Variants in FHIT observed in about 807,000 individuals in gnomAD.
The protein encoded by FHIT is bis(5'-adenosyl)-triphosphatase.
FHIT carries 19 observed loss-of-function variants against 17.9 expected under a neutral mutation model. The ratio of observed to expected loss-of-function variants is 1.06; its 90% CI spans 0.74 to 1.56. The LOEUF (loss-of-function observed/expected upper bound fraction) is 1.56, where lower values mean the gene tolerates loss of function less well. Among genes scored for constraint, FHIT ranks in the 40% most tolerant of loss-of-function variants. The pLI, the probability that FHIT is intolerant of heterozygous loss-of-function variation, is 0.00. For missense variants in FHIT, 248 were observed against 189.2 expected (o/e 1.31, Z -1.82); for synonymous variants, 81 against 69.7 (o/e 1.16, Z -0.81).
chr3:59,876,194 A>AATAT (rs138522795), intron 8 of FHIT, among the ~76,000 whole-genome samples: 2 of 151,930 alleles, frequency 1.3e-5, no homozygotes, highest in South Asian at 2.1e-4. Context: ...TCTTACCACA[A>AATAT]ATATATATAT....
intron 5 of FHIT, among the ~76,000 whole-genome samples, chr3:60,308,582 A>C (rs1295945026): frequency 6.7e-6 from 1 of 149,700 alleles, no homozygotes; most frequent in African/African-American, 2.5e-5. Flanking sequence ...GTCCCCCCCC[A>C]ACAATTAGTG....
intron 5 of FHIT, among the ~76,000 whole-genome samples, chr3:60,328,963 CA>C (rs1380019915): frequency 2.0e-5 from 3 of 152,200 alleles, no homozygotes; most frequent in African/African-American, 7.2e-5. Context: ...CCTCAATACA[CA>C]ATAGAAGAAT....
intron 5 of FHIT, among the ~76,000 whole-genome samples, chr3:60,257,999 G>A (rs1706092947): frequency 6.6e-6 from 1 of 151,048 alleles, no homozygotes; most frequent in Non-Finnish European, 1.5e-5. Flanking sequence ...CATGGCACAT[G>A]TTTACCTATG....
chr3:61,191,327 G>A (rs1478600627), intron 2 of FHIT, among the ~76,000 whole-genome samples: 1 of 152,134 alleles, frequency 6.6e-6, no homozygotes, highest in African/African-American at 2.4e-5. Flanking sequence ...GCTTCACTGT[G>A]TGAGCTGGGA....
chr3:60,633,800 G>C (rs2039508371), intron 4 of FHIT, among the ~76,000 whole-genome samples: 1 of 152,160 alleles, frequency 6.6e-6, no homozygotes, highest in South Asian at 2.1e-4. Context: ...AGCACTGCCT[G>C]GTTTCCATCT....
At chr3:60,874,488 A>G (rs1269022749) in intron 3 of FHIT, among the ~76,000 whole-genome samples, 4 of 152,176 alleles carry the variant, frequency 2.6e-5, no homozygotes, top group African/African-American at 9.6e-5. Context: ...CACATCTTTC[A>G]TCACATTAAG....
At chr3:60,899,297 A>G (rs1705983528) in intron 3 of FHIT, among the ~76,000 whole-genome samples, 1 of 152,200 alleles carries the variant, frequency 6.6e-6, no homozygotes, top group Non-Finnish European at 1.5e-5. Context: ...TCACATTTGC[A>G]TATCTTTTTA....
intron 3 of FHIT, among the ~76,000 whole-genome samples, chr3:60,869,470 G>A (rs1434522481): frequency 6.6e-6 from 1 of 152,108 alleles, no homozygotes; most frequent in Non-Finnish European, 1.5e-5. Flanking sequence ...GGGAAATATG[G>A]TTGTCCACAG....
chr3:60,135,299 T>C (rs1699770089), intron 5 of FHIT, among the ~76,000 whole-genome samples: 1 of 152,054 alleles, frequency 6.6e-6, no homozygotes, highest in African/African-American at 2.4e-5. Flanking sequence ...ACCAGGCAAA[T>C]AGCATAAATA....
chr3:60,583,508 A>G (rs895866010), intron 4 of FHIT, among the ~76,000 whole-genome samples: 7 of 152,102 alleles, frequency 4.6e-5, no homozygotes, highest in Non-Finnish European at 8.8e-5. Flanking sequence ...GATATGAACA[A>G]AAAGGGCAAG....
intron 4 of FHIT, among the ~76,000 whole-genome samples, chr3:60,743,584 G>A (rs1287012670): frequency 6.6e-6 from 1 of 152,152 alleles, no homozygotes; most frequent in Non-Finnish European, 1.5e-5. Context: ...CCAGATTTCT[G>A]GCTTCTCTTT....
chr3:60,284,570 T>C (rs767505830), intron 5 of FHIT, among the ~76,000 whole-genome samples: 1 of 152,124 alleles, frequency 6.6e-6, no homozygotes, highest in Non-Finnish European at 1.5e-5. Flanking sequence ...GATACTTACA[T>C]AAAGAGCTAC....
intron 5 of FHIT, among the ~76,000 whole-genome samples, chr3:60,257,253 A>T (rs79985576): frequency 3.3e-5 from 5 of 152,150 alleles, no homozygotes; most frequent in Non-Finnish European, 7.3e-5. Context: ...ATGTTCTTCT[A>T]ACATGTTTAG....
intron 2 of FHIT, among the ~76,000 whole-genome samples, chr3:61,123,110 AT>A (rs2036507116): frequency 6.6e-6 from 1 of 152,234 alleles, no homozygotes; most frequent in African/African-American, 2.4e-5. Flanking sequence ...CCAAACGCCC[AT>A]TAATGATAGA....
chr3:60,822,453 G>C lies in FHIT; in HGVS notation c.-110-442C>G, dbSNP rs185087720. Among the ~76,000 whole-genome samples, 8 of 152,200 alleles carry C rather than the reference G, an allele frequency of 5.3e-5. 1 individual carries two copies. The highest frequency in any genetic ancestry group is 2.6e-4 in the Admixed American group (4 of 15,290). On this transcript the variant is annotated intron_variant, in intron 3 of 9. Coordinates refer to ENST00000492590, the MANE Select transcript of FHIT (RefSeq NM_002012.4). ...CCAAGTCACCTGTCTGAAGTGTCCT[G>C]TGTGGCCAGTTTACTCACTTTCCCT... is the stretch of plus-strand genomic sequence containing the variant.
chr3:61,084,843 A>G (rs1337435990), intron 2 of FHIT, among the ~76,000 whole-genome samples: 1 of 152,170 alleles, frequency 6.6e-6, no homozygotes, highest in Non-Finnish European at 1.5e-5. Context: ...CACACCAGGC[A>G]GCAACTGATT....
At chr3:60,860,271 G>GAGATACATCATATGTATACATT (rs1703625387) in intron 3 of FHIT, among the ~76,000 whole-genome samples, 1 of 137,040 alleles carries the variant, frequency 7.3e-6, no homozygotes, top group Non-Finnish European at 1.6e-5. Context: ...ATGTATACAT[G>GAGATACATCATATGTATACATT]AGATACATCA....
chr3:61,053,970 A>G (rs1221165543), intron 2 of FHIT, among the ~76,000 whole-genome samples: 1 of 152,206 alleles, frequency 6.6e-6, no homozygotes, highest in Non-Finnish European at 1.5e-5. Flanking sequence ...CAGGTAAGCA[A>G]GCGCTGGGAA....
At chr3:60,398,602 A>G (rs1436412527) in intron 5 of FHIT, among the ~76,000 whole-genome samples, 2 of 152,202 alleles carry the variant, frequency 1.3e-5, no homozygotes, top group African/African-American at 4.8e-5. Flanking sequence ...AGCAGTATGA[A>G]TACTTTATAA....
Sources: allele counts gnomAD v4.1 joint callset (sites outside exome capture counted in the v4.1 genomes callset), GRCh38; gene constraint gnomAD v4.1.1; transcripts MANE v1.5; gene names NCBI Gene and HGNC (gene_info 2026-07-23, HGNC 2026-07-21).